Variants in PRKCA observed in about 807,000 individuals in gnomAD.
PRKCA encodes protein kinase C alpha type.
PRKCA carries 27 observed loss-of-function variants against 87.0 expected under a neutral mutation model. The ratio of observed to expected loss-of-function variants is 0.31; its 90% CI spans 0.23 to 0.43. The LOEUF is 0.43. Ranked by LOEUF, PRKCA falls within the 20% of genes least tolerant of loss-of-function variation. The pLI is 1.00. For missense variants in PRKCA, 518 were observed against 852.3 expected, an observed-to-expected ratio of 0.61 and a Z score of 4.88; for synonymous variants, 329 against 311.1, an observed-to-expected ratio of 1.06 and a Z score of -0.61.
chr17:66,473,131 A>G (rs545534935), intron 2 of PRKCA, among the ~76,000 whole-genome samples: 10 of 151,290 alleles, frequency 6.6e-5, no homozygotes, highest in Non-Finnish European at 1.2e-4. Flanking sequence ...CTGCTCCAGT[A>G]TTGCATATTT....
chr17:66,770,219 A>G (rs895672021), intron 13 of PRKCA, among the ~76,000 whole-genome samples: 3 of 152,218 alleles, frequency 2.0e-5, no homozygotes, highest in Non-Finnish European at 4.4e-5. Flanking sequence ...TCACTTATCT[A>G]TTTATTCATT....
chr17:66,582,418 G>A (rs1969471395), intron 3 of PRKCA, among the ~76,000 whole-genome samples: 1 of 152,166 alleles, frequency 6.6e-6, no homozygotes, highest in Non-Finnish European at 1.5e-5. Context: ...GCCAGGTGGA[G>A]ATAATGGAAT....
At chr17:66,520,494 G>A (rs1012587344) in intron 3 of PRKCA, among the ~76,000 whole-genome samples, 2 of 151,850 alleles carry the variant, frequency 1.3e-5, no homozygotes, top group African/African-American at 4.8e-5. Flanking sequence ...CAAAACTCCT[G>A]GCCTCAAGCA....
Position 66,389,469 on chromosome 17 carries a change from C to T in PRKCA, c.205+83342C>T, listed in dbSNP as rs555129475. Among the ~76,000 whole-genome samples the T allele has an allele frequency of 1.3e-4, 20 of 152,312 alleles. No individual in the cohort carries two copies. The East Asian group carries it at 3.9e-3, about 29-fold the overall frequency. ...CCTCCCCTGCATAAGGACACCTTTG[C>T]AGGGATATCGTAAGGAATGGAGAGA... On this transcript the variant is annotated intron_variant, in intron 2 of 16. Coordinates refer to ENST00000413366, the MANE Select transcript of PRKCA (RefSeq NM_002737.3).
At chr17:66,739,087 G>T (rs906946728) in intron 11 of PRKCA, among the ~76,000 whole-genome samples, 1 of 152,046 alleles carries the variant, frequency 6.6e-6, no homozygotes, top group African/African-American at 2.4e-5. Flanking sequence ...TCACCATCTT[G>T]CCCAGGCTGG....
At chr17:66,512,323 T>G (rs1917268034) in intron 3 of PRKCA, among the ~76,000 whole-genome samples, 1 of 152,070 alleles carries the variant, frequency 6.6e-6, no homozygotes, top group African/African-American at 2.4e-5. Flanking sequence ...CCACCTGTAA[T>G]CTCAGCTACT....
intron 5 of PRKCA, chr17:66,677,375 T>G (rs374245885): frequency 6.6e-6 from 1 of 152,482 alleles, no homozygotes; most frequent in African/African-American, 2.4e-5. Flanking sequence ...CCACTGTGCC[T>G]GGCCTATTTT....
At chr17:66,703,165 A>G (rs901437078) in intron 8 of PRKCA, among the ~76,000 whole-genome samples, 1 of 152,238 alleles carries the variant, frequency 6.6e-6, no homozygotes, top group African/African-American at 2.4e-5. Flanking sequence ...TTACTTTATA[A>G]ACTTTTAAAA....
chr17:66,533,250 C>T (rs1439137730), intron 3 of PRKCA, among the ~76,000 whole-genome samples: 3 of 152,172 alleles, frequency 2.0e-5, no homozygotes, highest in Non-Finnish European at 4.4e-5. Flanking sequence ...ATCACGTCTT[C>T]TCTTAACCAA....
chr17:66,714,348 C>T (rs1973419972), intron 8 of PRKCA, among the ~76,000 whole-genome samples: 1 of 152,136 alleles, frequency 6.6e-6, no homozygotes, highest in African/African-American at 2.4e-5. Flanking sequence ...AGTGTCCTGA[C>T]CTCAGCTGCC....
chr17:66,755,205 G>A (rs1974520484), intron 13 of PRKCA, among the ~76,000 whole-genome samples: 1 of 152,170 alleles, frequency 6.6e-6, no homozygotes, highest in African/African-American at 2.4e-5. Flanking sequence ...TATTGTCAGT[G>A]CCTCCTCTGA....
At chr17:66,351,839 A>G (rs1371941096) in intron 2 of PRKCA, among the ~76,000 whole-genome samples, 1 of 152,090 alleles carries the variant, frequency 6.6e-6, no homozygotes, top group African/African-American at 2.4e-5. Context: ...CTAGGGCAAT[A>G]CCAGGAGCCA....
At chr17:66,370,561 T>TC (rs918570246) in intron 2 of PRKCA, among the ~76,000 whole-genome samples, 1 of 145,410 alleles carries the variant, frequency 6.9e-6, no homozygotes, top group African/African-American at 2.5e-5. Context: ...TTTTTTTTTT[T>TC]TTTTTTTTGA....
rs1324531129 is a variant in PRKCA at position 66,645,388 on chromosome 17, G to A, written c.406G>A (p.Asp136Asn). 3 of 1,614,154 alleles carry A rather than the reference G, an allele frequency of 1.9e-6. No homozygotes were observed. Among genetic ancestry groups the A allele is most frequent in the East Asian group, 2.2e-5 (1 of 44,882 alleles). ...IHQGMKCDTC[D>N]MNVHKQCVIN... ...TCTCCTTTCTTGATTCACAGCCTGC[G>A]ATATGAACGTTCACAAGCAATGCGT... The change falls in exon 5 of 17, where the codon GAT becomes AAT. Residue 136 changes from aspartate to asparagine, a missense_variant. Transcript: ENST00000413366.
chr17:66,772,549 G>A (rs576041459), intron 13 of PRKCA, among the ~76,000 whole-genome samples: 20 of 152,160 alleles, frequency 1.3e-4, no homozygotes, highest in African/African-American at 4.8e-4. Flanking sequence ...AAGCGAAATG[G>A]CAGAATGGTT....
At position 66,805,126 on chromosome 17, in the gene PRKCA, G is replaced by C; in HGVS notation, c.*1089G>C. The stretch of plus-strand genomic sequence containing the variant: ...TTCTCTAGCCCTGGATGTCCACTTA[G>C]GGATAAAAAGAATATGGTTTTGGTT... On this transcript the variant is annotated 3_prime_UTR_variant, in exon 17 of 17. Transcript: ENST00000413366. 1.0e-6 allele frequency: 1 copy of C among 984,120 alleles called. No homozygotes were observed. The highest frequency in any genetic ancestry group is 4.7e-5 in the South Asian group (1 of 21,264). 61.0% of individuals were successfully genotyped at this position (984,120 alleles called of 1,614,324 possible).
chr17:66,724,945 A>G (rs571453281), intron 8 of PRKCA, among the ~76,000 whole-genome samples: 1 of 152,318 alleles, frequency 6.6e-6, no homozygotes, highest in East Asian at 1.9e-4. Flanking sequence ...AGAAAGAAAA[A>G]TGGTCAGCTC....
intron 16 of PRKCA, among the ~76,000 whole-genome samples, chr17:66,795,332 C>G (rs1975641012): frequency 6.6e-6 from 1 of 152,148 alleles, no homozygotes; most frequent in African/African-American, 2.4e-5. Flanking sequence ...CTTGGCCTTT[C>G]TGTTGGGCCA....
intron 2 of PRKCA, among the ~76,000 whole-genome samples, chr17:66,347,220 T>G (rs748222758): frequency 4.6e-5 from 7 of 152,118 alleles, no homozygotes; most frequent in Non-Finnish European, 1.0e-4. Context: ...ACATTTTCCC[T>G]AACAAAAAAA....
Sources: gnomAD v4.1 joint callset for allele counts (sites outside exome capture counted in the v4.1 genomes callset) on GRCh38, gnomAD v4.1.1 for gene constraint, MANE v1.5 for transcripts, NCBI Gene and HGNC (gene_info 2026-07-23, HGNC 2026-07-21) for gene names.